Variants in IL21R observed in about 807,000 individuals in gnomAD.
IL21R encodes the protein interleukin 21 receptor, also known as interleukin-21 receptor.
In IL21R, 14 loss-of-function variants were observed where a neutral mutation model predicts 41.3. The ratio of observed to expected loss-of-function variants is 0.34; its 90% confidence interval spans 0.22 to 0.53. IL21R has a LOEUF of 0.53. Among genes scored for constraint, IL21R ranks in the 20% least tolerant of loss-of-function variants. IL21R has a pLI of 0.94. For missense variants in IL21R, 588 were observed against 681.6 expected (o/e 0.86, Z 1.53); for synonymous variants, 286 against 287.6 (o/e 0.99, Z 0.05).
chr16:27,446,057 C>G lies in IL21R; in HGVS notation c.836C>G (p.Pro279Arg). The change falls in exon 8 of 9, where the codon CCC becomes CGC. Residue 279 changes from proline (P) to arginine (R), a missense_variant. By Grantham distance (103) the Pro-to-Arg change is moderately radical. Coordinates refer to ENST00000337929, the MANE Select transcript of IL21R (RefSeq NM_181078.3). ...CCCAGCCCTGAGCGGTTCTTCATGCCCCTGTACAAGGGCTGCAGCGGAGAC... is the reference window on the plus strand; with the variant it reads ...CCCAGCCCTGAGCGGTTCTTCATGCGCCTGTACAAGGGCTGCAGCGGAGAC... The part of the protein sequence containing the change: ...AVPSPERFFM[P>R]LYKGCSGDFK... 1 of 1,613,702 alleles carries G rather than the reference C, an allele frequency of 6.2e-7. No homozygotes were observed. Among genetic ancestry groups the G allele is most frequent in the Non-Finnish European group, 8.5e-7 (1 of 1,179,832 alleles).
intron 1 of IL21R, among the ~76,000 whole-genome samples, chr16:27,416,386 C>G (rs918209325): frequency 6.6e-6 from 1 of 152,190 alleles, no homozygotes; most frequent in African/African-American, 2.4e-5. Context: ...CATCCACCCA[C>G]CTAGGCCTCC....
At chr16:27,439,399 ACACT>A (rs770546309) in intron 4 of IL21R, among the ~76,000 whole-genome samples, 56 of 151,732 alleles carry the variant, frequency 3.7e-4, no homozygotes, top group East Asian at 1.2e-3. Flanking sequence ...CAATACACAC[ACACT>A]CACACATATA....
At chr16:27,407,090 A>T (rs984183203) in intron 1 of IL21R, among the ~76,000 whole-genome samples, 1 of 152,188 alleles carries the variant, frequency 6.6e-6, no homozygotes, top group Non-Finnish European at 1.5e-5. Context: ...GAAGCTAATG[A>T]GGAAAGCAGG....
At chr16:27,419,257 C>T (rs934002162) in intron 1 of IL21R, among the ~76,000 whole-genome samples, 2 of 152,122 alleles carry the variant, frequency 1.3e-5, no homozygotes, top group African/African-American at 2.4e-5. Context: ...ACACATTAGC[C>T]TAGGCCTACA....
At chr16:27,418,795 A>G (rs1428827667) in intron 1 of IL21R, among the ~76,000 whole-genome samples, 1 of 152,128 alleles carries the variant, frequency 6.6e-6, no homozygotes, top group Non-Finnish European at 1.5e-5. Context: ...CACTTAAGAC[A>G]CAAACACATT....
In IL21R at chr16:27,422,937, C is replaced by T. The variant is rs528574652; in HGVS notation, c.-16-7119C>T. Among the ~76,000 whole-genome samples, 21 of 152,290 alleles carry T rather than the reference C, an allele frequency of 1.4e-4. No homozygotes were observed. The East Asian group carries it at 4.0e-3, about 29-fold the overall frequency. On this transcript the variant is annotated intron_variant, in intron 1 of 8. Coordinates refer to ENST00000337929, the MANE Select transcript of IL21R (RefSeq NM_181078.3). ...ACACCTTGATGCAGTCAAGAATGAA[C>T]TATTTCTAATTTTTCCTTATTCCCA...
chr16:27,445,119 C>A, intron 6 of IL21R, 58 bp from the exon 7 acceptor site: 1 of 1,252,578 alleles, frequency 8.0e-7, no homozygotes, highest in Non-Finnish European at 1.2e-6. Flanking sequence ...CCATGCCCAC[C>A]CCATATGGCC....
At chr16:27,437,748 ACCTC>A in intron 4 of IL21R, 61 bp downstream of exon 4, 9 of 1,400,390 alleles carry the variant, frequency 6.4e-6, no homozygotes, top group Non-Finnish European at 9.0e-6. Flanking sequence ...CGCAGCCCTG[ACCTC>A]TCTGGGCTCA....
chr16:27,404,991 A>G (rs1026429580), intron 1 of IL21R, among the ~76,000 whole-genome samples: 7 of 151,762 alleles, frequency 4.6e-5, no homozygotes, highest in Admixed American at 2.0e-4. Flanking sequence ...CTGGGCACAG[A>G]TGGCTCATGA....
At chr16:27,409,162 T>C (rs1486015519) in intron 1 of IL21R, among the ~76,000 whole-genome samples, 1 of 135,242 alleles carries the variant, frequency 7.4e-6, no homozygotes, top group Non-Finnish European at 1.6e-5. Context: ...TTTCTCTCTC[T>C]CTCCATATAT....
In IL21R at chr16:27,426,494, G is replaced by A. The variant is rs534016928; in HGVS notation, c.-16-3562G>A. On this transcript the variant is annotated intron_variant, in intron 1 of 8. Coordinates refer to ENST00000337929, the MANE Select transcript of IL21R (RefSeq NM_181078.3). ...ATGGACCATGAAAGTTGAGTTGAGAGGATGGGAGGGGAAAGGTGTTGGAGG... is the reference window on the plus strand; with the variant it reads ...ATGGACCATGAAAGTTGAGTTGAGAAGATGGGAGGGGAAAGGTGTTGGAGG... Among the ~76,000 whole-genome samples the A allele has an allele frequency of 1.4e-4, 22 of 152,348 alleles. No homozygotes were observed. The South Asian group carries it at 4.1e-3, about 29-fold the overall frequency.
In IL21R at chr16:27,451,056, C is replaced by T. The variant is rs1023660859; in HGVS notation, c.*1773C>T. 9 of 233,414 alleles carry T rather than the reference C, an allele frequency of 3.9e-5. No individual in the cohort carries two copies. Among genetic ancestry groups the T allele is most frequent in the Admixed American group, 1.7e-4 (3 of 17,782 alleles). The allele number at this position is 233,414 out of a possible 1,614,324, so 14.5% of individuals were successfully genotyped here. A position where few individuals can be genotyped will look rare whatever the true frequency, so the allele number is the denominator to read the frequency against. On this transcript the variant is annotated 3_prime_UTR_variant, in exon 9 of 9. Transcript: ENST00000337929. ...AAGAGTGGGACTGTGAGCCTGGGAT[C>T]GGGGGGTGTGAGACTTGGATGGGAG... is the stretch of plus-strand genomic sequence containing the variant.
In IL21R at chr16:27,423,779, C is replaced by T. The variant is rs528593956; in HGVS notation, c.-16-6277C>T. Among the ~76,000 whole-genome samples the T allele has an allele frequency of 2.9e-3, 443 of 152,150 alleles. 3 individuals are homozygous for T. Among genetic ancestry groups the T allele is most frequent in the African/African-American group, 9.8e-3 (406 of 41,498 alleles). The stretch of plus-strand genomic sequence containing the variant: ...TGATGATGGCTATTTAGATTGTTTC[C>T]AATTTTTCACTATTAAAATCAATGC... On this transcript the variant is annotated intron_variant, in intron 1 of 8. Coordinates refer to ENST00000337929, the MANE Select transcript of IL21R (RefSeq NM_181078.3).
At chr16:27,420,399 T>A (rs1004356266) in intron 1 of IL21R, among the ~76,000 whole-genome samples, 25 of 152,232 alleles carry the variant, frequency 1.6e-4, no homozygotes, top group Admixed American at 6.5e-5. Flanking sequence ...TATTTAACAT[T>A]TTGAAGAACT....
chr16:27,414,602 C>T (rs1184313070), intron 1 of IL21R, among the ~76,000 whole-genome samples: 3 of 151,850 alleles, frequency 2.0e-5, no homozygotes, highest in African/African-American at 4.8e-5. Context: ...TACCATCTTG[C>T]TATTTGTTTT....
chr16:27,422,668 C>T (rs2087015883), intron 1 of IL21R, among the ~76,000 whole-genome samples: 1 of 152,094 alleles, frequency 6.6e-6, no homozygotes, highest in African/African-American at 2.4e-5. Context: ...AATTTTTGAA[C>T]ACATTAATCA....
chr16:27,431,637 C>T (rs941675704), intron 2 of IL21R, among the ~76,000 whole-genome samples: 6 of 151,138 alleles, frequency 4.0e-5, no homozygotes, highest in African/African-American at 9.7e-5. Flanking sequence ...GCTTTGATTC[C>T]GGTGAGGGGC....
Position 27,437,653 on chromosome 16 carries a change from C to A in IL21R, c.318C>A (p.Ser106=), listed in dbSNP as rs766817694. 4.3e-6 allele frequency: 7 copies of A among 1,614,046 alleles called. No individual in the cohort carries two copies. Among genetic ancestry groups the A allele is most frequent in the Non-Finnish European group, 5.9e-6 (7 of 1,180,028 alleles). The change falls in exon 4 of 9, where the codon TCC becomes TCA. Residue 106 remains serine (S), a synonymous_variant. Coordinates refer to ENST00000337929, the MANE Select transcript of IL21R (RefSeq NM_181078.3). ...TCACAGACCAGTCTGGCAACTACTC[C>A]CAGGAGTGTGGCAGCTTTCTCCTGG... ...VNITDQSGNY[S]QECGSFLLAE...
chr16:27,444,549 G>C lies in IL21R; in HGVS notation c.515G>C (p.Arg172Thr), dbSNP rs2087443936. Reference protein sequence around the residue: ...NRGDPWAVSPRRKLISVDSRS... With the variant: ...NRGDPWAVSPTRKLISVDSRS... ...CTTTCCTTGTACTGGCAGAGTCCGA[G>C]GAGAAAGCTGATCTCAGTGGACTCA... The change falls in exon 6 of 9, where the codon AGG becomes ACG. Residue 172 changes from arginine (R) to threonine (T), a missense_variant. Coordinates refer to ENST00000337929, the MANE Select transcript of IL21R (RefSeq NM_181078.3). 5 of 1,511,424 alleles carry C rather than the reference G, an allele frequency of 3.3e-6. No homozygotes were observed. Among genetic ancestry groups the C allele is most frequent in the Non-Finnish European group, 4.4e-6 (5 of 1,128,612 alleles). The allele number at this position is 1,511,424 out of a possible 1,614,324, so 93.6% of individuals were successfully genotyped here.
Sources: allele counts gnomAD v4.1 joint callset (sites outside exome capture counted in the v4.1 genomes callset), GRCh38; gene constraint gnomAD v4.1.1; transcripts MANE v1.5; gene names NCBI Gene and HGNC (gene_info 2026-07-23, HGNC 2026-07-21).